LRP2: variants seen among roughly 807,000 people sequenced by gnomAD.
LRP2 encodes LDL receptor related protein 2, also known as low-density lipoprotein receptor-related protein 2.
A neutral mutation model predicts 531.0 loss-of-function variants in LRP2; 172 were observed. The observed-to-expected ratio is 0.32, with a 90% CI of 0.29 to 0.37. The LOEUF (loss-of-function observed/expected upper bound fraction) is 0.37. Ranked by LOEUF, LRP2 falls within the 10% of genes least tolerant of loss-of-function variation. The pLI is 1.00. For missense variants in LRP2, 5,167 were observed against 5,868.3 expected (o/e 0.88, Z 3.90); for synonymous variants, 1,992 against 2,027.6 (o/e 0.98, Z 0.47).
Position 169,307,387 on chromosome 2 carries a change from T to G in LRP2, c.321A>C (p.Thr107=). ...AGCATGTTATCTGATGACTTGAGCA[T>G]GTACTTTGTGCTGCGAAGAGAAAAA... The part of the protein sequence containing the change: ...SDERQDCSQS[T]CSSHQITCSN... Residue 107 remains threonine, a synonymous_variant, in exon 4 of 79, where the codon ACA becomes ACC. Transcript: ENST00000649046. The G allele has an allele frequency of 6.2e-7, 1 of 1,604,848 alleles. No individual in the cohort carries two copies. The highest frequency in any genetic ancestry group is 8.5e-7 in the Non-Finnish European group (1 of 1,171,574).
intron 32 of LRP2, 34 bp from the exon 33 acceptor site, chr2:169,225,487 C>A (rs1164005624): frequency 6.2e-7 from 1 of 1,613,092 alleles, no homozygotes; most frequent in Middle Eastern, 1.7e-4. Flanking sequence ...TGAGCAGTTC[C>A]AAGGCCATGG....
Position 169,151,040 on chromosome 2 carries a change from G to C in LRP2, c.12462-14C>G, listed in dbSNP as rs1558980527. ...CAGTAAATATGCCTGAATTCAGAGG[G>C]ACAAAGTTAAACAACTGCAAAGCCT... On this transcript the variant is annotated splice_polypyrimidine_tract_variant and intron_variant, in intron 67 of 78. Transcript: ENST00000649046. 1 of 1,613,754 alleles carries C rather than the reference G, an allele frequency of 6.2e-7. No homozygotes were observed. The highest frequency in any genetic ancestry group is 2.2e-5 in the East Asian group (1 of 44,862).
intron 34 of LRP2, among the ~76,000 whole-genome samples, chr2:169,217,985 C>T (rs892409484): frequency 2.0e-5 from 3 of 152,140 alleles, no homozygotes; most frequent in Non-Finnish European, 4.4e-5. Flanking sequence ...CTTTTAACTT[C>T]TACTATCTCT....
At chr2:169,323,629 TAA>T (rs760860131) in intron 1 of LRP2, among the ~76,000 whole-genome samples, 4 of 137,526 alleles carry the variant, frequency 2.9e-5, no homozygotes, top group South Asian at 2.3e-4. Context: ...TTTGAAGATT[TAA>T]AAAAAAAAAA....
intron 18 of LRP2, among the ~76,000 whole-genome samples, chr2:169,256,770 A>G (rs909257116): frequency 5.9e-5 from 9 of 152,220 alleles, no homozygotes; most frequent in African/African-American, 2.2e-4. Context: ...TGTTCCCTGT[A>G]AGAAATTACA....
At chr2:169,336,513 C>A (rs1411112958) in intron 1 of LRP2, among the ~76,000 whole-genome samples, 1 of 151,506 alleles carries the variant, frequency 6.6e-6, no homozygotes, top group Admixed American at 6.6e-5. Context: ...ACACCCCAGC[C>A]TGGGTGACAG....
At chr2:169,186,169 T>C (rs1325737760) in intron 49 of LRP2, 150 bp from the exon 50 acceptor site, 3 of 715,360 alleles carry the variant, frequency 4.2e-6, no homozygotes, top group South Asian at 1.8e-5. Context: ...CTGTGGATTA[T>C]TGAAAAGTCA....
At chr2:169,201,985 A>G (rs1688218908) in intron 43 of LRP2, 115 bp from the exon 44 acceptor site, 4 of 1,362,006 alleles carry the variant, frequency 2.9e-6, no homozygotes, top group Non-Finnish European at 4.1e-6. Flanking sequence ...AAGGCAAAAA[A>G]CGCTGCAAAA....
intron 1 of LRP2, among the ~76,000 whole-genome samples, chr2:169,329,440 C>T (rs1685206919): frequency 6.6e-6 from 1 of 152,020 alleles, no homozygotes. Flanking sequence ...TAAGTATGAC[C>T]CAAGCAGTGA....
chr2:169,165,541 A>G (rs1485106331), intron 62 of LRP2, among the ~76,000 whole-genome samples: 1 of 152,232 alleles, frequency 6.6e-6, no homozygotes, highest in East Asian at 1.9e-4. Context: ...TAGATTAGCA[A>G]TTAGCAACTC....
At chr2:169,150,021 T>A (rs1558980025) in intron 68 of LRP2, among the ~76,000 whole-genome samples, 1 of 152,176 alleles carries the variant, frequency 6.6e-6, no homozygotes, top group Non-Finnish European at 1.5e-5. Context: ...ATATATTGTG[T>A]AGATAAGATA....
At chr2:169,191,646 A>G (rs1361362081) in intron 48 of LRP2, among the ~76,000 whole-genome samples, 186 bp downstream of exon 48, 1 of 152,130 alleles carries the variant, frequency 6.6e-6, no homozygotes, top group East Asian at 1.9e-4. Flanking sequence ...TTATATATTA[A>G]AATACTTTCT....
chr2:169,318,400 T>C (rs549051247), intron 3 of LRP2, among the ~76,000 whole-genome samples: 316 of 152,120 alleles, frequency 2.1e-3, no homozygotes, highest in African/African-American at 7.3e-3. Context: ...AGTGGAAGGT[T>C]TGAATACAAA....
Position 169,279,582 on chromosome 2 carries a change from T to C in LRP2, c.1355A>G (p.Asp452Gly). Residue 452 changes from aspartate to glycine, a missense_variant, in exon 12 of 79, where the codon GAC becomes GGC. Transcript: ENST00000649046. ...DTVQNKVFSV[D>G]INGLNIQEVL... ...CTCTTGGATATTTAAACCATTAATG[T>C]CAACTGAAAAAACCTGAAAGAAAAA... 1 of 1,611,730 alleles carries C rather than the reference T, an allele frequency of 6.2e-7. No individual in the cohort carries two copies. The highest frequency in any genetic ancestry group is 8.5e-7 in the Non-Finnish European group (1 of 1,178,144).
chr2:169,169,613 T>C, intron 60 of LRP2, 89 bp downstream of exon 60: 1 of 978,884 alleles, frequency 1.0e-6, no homozygotes, highest in East Asian at 2.4e-5. Flanking sequence ...TATGGCCTTT[T>C]AATCTAAGAA....
chr2:169,204,401 G>A (rs569152077), intron 41 of LRP2, 130 bp from the exon 42 acceptor site: 1 of 844,588 alleles, frequency 1.2e-6, no homozygotes, highest in South Asian at 1.4e-5. Context: ...TGGGGCATAT[G>A]GCAGCTGGAA....
At chr2:169,169,922 T>C in intron 59 of LRP2, 104 bp from the exon 60 acceptor site, 1 of 807,560 alleles carries the variant, frequency 1.2e-6, no homozygotes, top group Non-Finnish European at 2.2e-6. Flanking sequence ...ATCTACACCC[T>C]GTGACTGGCT....
chr2:169,299,264 T>G (rs1010269941), intron 4 of LRP2, among the ~76,000 whole-genome samples: 4 of 151,992 alleles, frequency 2.6e-5, no homozygotes, highest in Non-Finnish European at 5.9e-5. Flanking sequence ...ACATCAAGTT[T>G]AGTCTGGGTG....
intron 1 of LRP2, among the ~76,000 whole-genome samples, chr2:169,343,749 A>G (rs558373994): frequency 4.6e-5 from 7 of 152,260 alleles, no homozygotes; most frequent in African/African-American, 1.7e-4. Context: ...GAAGTTGGGA[A>G]GGGGTAGTTG....
Sources: gnomAD v4.1 joint callset for allele counts (sites outside exome capture counted in the v4.1 genomes callset) on GRCh38, gnomAD v4.1.1 for gene constraint, MANE v1.5 for transcripts, NCBI Gene and HGNC (gene_info 2026-07-23, HGNC 2026-07-21) for gene names.